The following LMTK3 variants were observed in gnomAD, a reference collection of about 807,000 sequenced individuals.
LMTK3 encodes lemur tail kinase 3.
LMTK3 carries 27 observed loss-of-function variants against 116.7 expected under a neutral mutation model. The observed-to-expected ratio is 0.23, with a 90% CI of 0.17 to 0.32. The LOEUF (loss-of-function observed/expected upper bound fraction) is 0.32, where lower values mean the gene tolerates loss of function less well. LMTK3 is among the 10% of genes least tolerant of loss of function. The pLI is 1.00. For synonymous variants in LMTK3, 965 were observed against 971.0 expected (o/e 0.99, Z 0.11); for missense variants, 1,764 against 2,068.5 (o/e 0.85, Z 2.86).
intron 6 of LMTK3, 37 bp from the exon 7 acceptor site, chr19:48,502,618 G>T (rs1298961455): frequency 6.6e-7 from 1 of 1,514,618 alleles, no homozygotes; most frequent in Non-Finnish European, 8.8e-7. Context: ...ACCACCAGCC[G>T]CTCAGGTCTC....
Position 48,502,579 on chromosome 19 carries a change from C to T in LMTK3, c.648G>A (p.Gly216=), listed in dbSNP as rs1178598944. The part of the protein sequence containing the change: ...FLLIMEFCQL[G]DLKRYLRAQR... ...GGGCTCGGAGGTAACGCTTCAGGTC[C>T]CCCTGGGAGGGAGGCAAAGAAGGTC... The change falls in exon 7 of 15, where the codon GGG becomes GGA. Residue 216 remains glycine, a splice_region_variant and synonymous_variant. Transcript: ENST00000600059. 1.3e-6 allele frequency: 2 copies of T among 1,539,234 alleles called. No homozygotes were observed. Among genetic ancestry groups the T allele is most frequent in the Non-Finnish European group, 1.7e-6 (2 of 1,146,108 alleles).
chr19:48,485,622 C>A lies in LMTK3; in HGVS notation c.*151G>T, dbSNP rs1317454610. The stretch of plus-strand genomic sequence containing the variant: ...CGGGGGCCCGGGGCCTCCCGTTTGG[C>A]ACATGGTAGGGGAGTGGGAGGGGGA... On this transcript the variant is annotated 3_prime_UTR_variant, in exon 15 of 15. Transcript: ENST00000600059. 4 of 819,734 alleles carry A rather than the reference C, an allele frequency of 4.9e-6. No homozygotes were observed. The highest frequency in any genetic ancestry group is 7.7e-6 in the Non-Finnish European group (4 of 522,492). 50.8% of individuals were successfully genotyped at this position (819,734 alleles called of 1,614,324 possible). A position where few individuals can be genotyped will look rare whatever the true frequency, so the allele number is the denominator to read the frequency against.
intron 14 of LMTK3, among the ~76,000 whole-genome samples, chr19:48,489,520 C>G (rs1038178418): frequency 3.3e-5 from 5 of 152,140 alleles, no homozygotes; most frequent in African/African-American, 1.2e-4. Flanking sequence ...TTGCAATGAG[C>G]CGAGATCACA....
intron 5 of LMTK3, among the ~76,000 whole-genome samples, chr19:48,504,732 G>C (rs915392207): frequency 1.3e-5 from 2 of 152,050 alleles, no homozygotes; most frequent in African/African-American, 4.8e-5. Flanking sequence ...ATTTTTAGTA[G>C]ATAATGGGTT....
intron 11 of LMTK3, among the ~76,000 whole-genome samples, chr19:48,495,021 T>G (rs533057158): frequency 1.9e-4 from 29 of 152,032 alleles, no homozygotes; most frequent in South Asian, 1.2e-3. Flanking sequence ...TTTTGTTTTT[T>G]TTTTTGAAAT....
At chr19:48,487,054 A>T (rs1274437091) in intron 14 of LMTK3, among the ~76,000 whole-genome samples, 1 of 133,214 alleles carries the variant, frequency 7.5e-6, no homozygotes, top group Non-Finnish European at 1.5e-5. Context: ...TTTTTTTTTA[A>T]GACAGAGTCT....
intron 5 of LMTK3, among the ~76,000 whole-genome samples, chr19:48,508,023 G>A (rs1434537024): frequency 6.6e-6 from 1 of 152,166 alleles, no homozygotes; most frequent in African/African-American, 2.4e-5. Flanking sequence ...GGATGAGCAA[G>A]GAGTGATATT....
Position 48,499,676 on chromosome 19 carries a change from C to T in LMTK3, c.1393G>A (p.Val465Met). The T allele has an allele frequency of 2.0e-6, 3 of 1,532,934 alleles. No individual in the cohort carries two copies. The highest frequency in any genetic ancestry group is 2.6e-6 in the Non-Finnish European group (3 of 1,138,802). The allele number at this position is 1,532,934 out of a possible 1,614,324, so 95.0% of individuals were successfully genotyped here. Residue 465 changes from valine to methionine, a missense_variant, in exon 11 of 15, where the codon GTG becomes ATG. Around this residue, in one of 7 missense-constraint regions of LMTK3, gnomAD observed 16 missense variants for 36.7 expected, o/e 0.44. Coordinates refer to ENST00000600059, the MANE Select transcript of LMTK3 (RefSeq NM_001388485.1). ...DGFPGADPDD[V>M]LTVTESSRGL... ...CGGCTACTCTCGGTGACCGTGAGCA[C>T]ATCGTCGGGGTCGGCTCCAGGGAAG...
rs570845917 is a variant in LMTK3, at chr19:48,485,300, T to A, written c.*473A>T. On this transcript the variant is annotated 3_prime_UTR_variant, in exon 15 of 15. Transcript: ENST00000600059. ...TCCAAAAAGTTGTTTTTGTCTTTTTTAAATAATGTGAAAATGCCACGCGAA... is the reference window on the plus strand; with the variant it reads ...TCCAAAAAGTTGTTTTTGTCTTTTTAAAATAATGTGAAAATGCCACGCGAA... 6.4e-6 allele frequency: 1 copy of A among 157,370 alleles called. No individual in the cohort carries two copies. Among genetic ancestry groups the A allele is most frequent in the African/African-American group, 2.4e-5 (1 of 41,602 alleles). 9.7% of individuals were successfully genotyped at this position (157,370 alleles called of 1,614,324 possible). A position where few individuals can be genotyped will look rare whatever the true frequency, so the allele number is the denominator to read the frequency against.
chr19:48,489,559 A>AAAAC lies in LMTK3; in HGVS notation c.4366+1545_4366+1548dup, dbSNP rs530174994. Among the ~76,000 whole-genome samples, 8 of 152,360 alleles carry AAAAC rather than the reference A, an allele frequency of 5.3e-5. No homozygotes were observed. In the East Asian group the frequency reaches 1.5e-3, roughly 29 times the overall value. On this transcript the variant is annotated intron_variant, in intron 14 of 14. Transcript: ENST00000600059. ...TTGCACTTCGGCTTGGGCGACGAGC[A>AAAAC]AAACTCCGTCTCAAAAATACTAACT...
chr19:48,510,097 G>A lies in LMTK3; in HGVS notation c.287C>T (p.Ser96Leu), dbSNP rs1692084187. ...CGGGAGAATGTAGACATCAGGCAGCGACTGTGAGGAGGAGGTCTCCTCCGC... is the reference window on the plus strand; with the variant it reads ...CGGGAGAATGTAGACATCAGGCAGCAACTGTGAGGAGGAGGTCTCCTCCGC... ...PPAEETSSSQSLPDVYILPLA... is the reference protein window; with the variant it reads ...PPAEETSSSQLLPDVYILPLA... Residue 96 changes from serine to leucine, a missense_variant, in exon 3 of 15, where the codon TCG (serine) becomes TTG (leucine). Ser to Leu is a moderately radical substitution (Grantham distance 145). Coordinates refer to ENST00000600059, the MANE Select transcript of LMTK3 (RefSeq NM_001388485.1). 1.2e-6 allele frequency: 2 copies of A among 1,613,780 alleles called. No homozygotes were observed. The highest frequency in any genetic ancestry group is 1.3e-5 in the African/African-American group (1 of 74,934).
rs769232040 is a variant in LMTK3 at position 48,510,736 on chromosome 19, C to T, written c.77-144G>A. The T allele has an allele frequency of 1.4e-4, 139 of 971,106 alleles. 1 individual carries two copies. Among genetic ancestry groups the T allele is most frequent in the Non-Finnish European group, 1.8e-4 (124 of 690,690 alleles). The allele number at this position is 971,106 out of a possible 1,614,324, so 60.2% of individuals were successfully genotyped here. ...CCCTTGGCAGAGGTGCAGAGTGGCCCAAGGCATTGTGGGAGTTGTAGTTTG... is the reference window on the plus strand; with the variant it reads ...CCCTTGGCAGAGGTGCAGAGTGGCCTAAGGCATTGTGGGAGTTGTAGTTTG... On this transcript the variant is annotated intron_variant, in intron 1 of 14. Coordinates refer to ENST00000600059, the MANE Select transcript of LMTK3 (RefSeq NM_001388485.1).
Position 48,500,876 on chromosome 19 carries a change from C to T in LMTK3, c.1151+120G>A, listed in dbSNP as rs1310901310. ...AGAAAGGGTGGGGACAGCCCCTCTT[C>T]ACTCTTGAGGGGTATGGAGGGCAAA... On this transcript the variant is annotated intron_variant, in intron 10 of 14. Coordinates refer to ENST00000600059, the MANE Select transcript of LMTK3 (RefSeq NM_001388485.1). The surrounding 1 kb of genome is among the most constrained non-coding windows in gnomAD (Gnocchi z 4.0). The T allele has an allele frequency of 1.7e-5, 17 of 988,232 alleles. No individual in the cohort carries two copies. Among genetic ancestry groups the T allele is most frequent in the Non-Finnish European group, 2.4e-5 (17 of 699,332 alleles). The allele number at this position is 988,232 out of a possible 1,614,324, so 61.2% of individuals were successfully genotyped here. A position where few individuals can be genotyped will look rare whatever the true frequency, so the allele number is the denominator to read the frequency against.
At chr19:48,508,497 A>G (rs1972606008) in intron 5 of LMTK3, among the ~76,000 whole-genome samples, 1 of 152,064 alleles carries the variant, frequency 6.6e-6, no homozygotes, top group Admixed American at 6.6e-5. Context: ...GAAGGGAAGT[A>G]CCAGCTGGTA....
intron 14 of LMTK3, among the ~76,000 whole-genome samples, chr19:48,486,249 C>T (rs907399508): frequency 1.3e-5 from 2 of 149,962 alleles, no homozygotes; most frequent in African/African-American, 2.5e-5. Context: ...TTAGTAGAGA[C>T]GGGGTTTCAC....
intron 14 of LMTK3, among the ~76,000 whole-genome samples, chr19:48,487,760 C>T (rs939491391): frequency 6.6e-6 from 1 of 152,182 alleles, no homozygotes; most frequent in African/African-American, 2.4e-5. Context: ...ATCAGGCTCC[C>T]TCATGCTCCA....
chr19:48,513,133 T>C (rs775258728), upstream of LMTK3: 36 of 1,596,560 alleles, frequency 2.3e-5, 1 homozygote, highest in Non-Finnish European at 2.7e-5. The surrounding 1 kb of genome is among the most constrained non-coding windows in gnomAD (Gnocchi z 5.6). Flanking sequence ...GGGTCGCAAA[T>C]ACCCACGTTT....
upstream of LMTK3, chr19:48,513,390 C>T (rs553393466): frequency 2.7e-4 from 159 of 585,492 alleles, 1 homozygote; most frequent in South Asian, 3.0e-3. This position sits in a 1 kb window ranked among gnomAD's most constrained non-coding sequence, Gnocchi z 5.6. Flanking sequence ...TCACCTGCCC[C>T]AAGGCACACA....
chr19:48,504,103 G>A (rs961340066), intron 5 of LMTK3, among the ~76,000 whole-genome samples: 16 of 151,914 alleles, frequency 1.1e-4, no homozygotes, highest in African/African-American at 3.1e-4. Flanking sequence ...CCAGACCTCC[G>A]GTGATACGCC....
Sources: gnomAD v4.1 joint callset for allele counts (sites outside exome capture counted in the v4.1 genomes callset) on GRCh38, gnomAD v4.1.1 for gene constraint, gnomAD v4.1.1 regional missense constraint, Gnocchi (gnomAD v3.1) non-coding constraint, MANE v1.5 for transcripts, NCBI Gene and HGNC (gene_info 2026-07-23, HGNC 2026-07-21) for gene names.